NAV2: variants seen among roughly 807,000 people sequenced by gnomAD.
NAV2 encodes the protein helicase, APC down-regulated 1.
In NAV2, 54 loss-of-function variants were observed where a neutral mutation model predicts 223.2. That is an observed-to-expected ratio of 0.24 (90% CI 0.19 to 0.30). The LOEUF is 0.30. NAV2 is among the 10% of genes least tolerant of loss of function. The pLI, the probability that NAV2 is intolerant of heterozygous loss-of-function variation, is 1.00. For synonymous variants in NAV2, 1,279 were observed against 1,239.3 expected, an observed-to-expected ratio of 1.03 and a Z score of -0.67; for missense variants, 2,806 against 3,147.5, an observed-to-expected ratio of 0.89 and a Z score of 2.60.
At chr11:19,483,796 G>T (rs10766563) in intron 1 of NAV2, among the ~76,000 whole-genome samples, 63,076 of 151,746 alleles carry the variant, frequency 0.42, 13,493 homozygotes, top group East Asian at 0.53. Context: ...ACCACTGGGG[G>T]TCTAGAAATG....
chr11:19,973,364 A>G (rs527996948), intron 10 of NAV2, among the ~76,000 whole-genome samples: 2 of 152,236 alleles, frequency 1.3e-5, no homozygotes, highest in South Asian at 2.1e-4. Context: ...GTCTCAGAGC[A>G]CTCTGAGGCT....
At chr11:20,046,523 A>G (rs1266098017) in intron 14 of NAV2, among the ~76,000 whole-genome samples, 1 of 151,230 alleles carries the variant, frequency 6.6e-6, no homozygotes, top group Non-Finnish European at 1.5e-5. Flanking sequence ...CAAAAAGCCC[A>G]GTGTCCCCAC....
chr11:19,488,473 T>A (rs568565552), intron 1 of NAV2, among the ~76,000 whole-genome samples: 2 of 152,222 alleles, frequency 1.3e-5, no homozygotes, highest in African/African-American at 4.8e-5. Flanking sequence ...GGCACAAATG[T>A]ATAGATGGCA....
intron 1 of NAV2, among the ~76,000 whole-genome samples, chr11:19,757,284 C>T (rs573348563): frequency 6.6e-6 from 1 of 152,190 alleles, no homozygotes; most frequent in African/African-American, 2.4e-5. Context: ...TTGAGAGTAA[C>T]ACAGTTGGCC....
intron 1 of NAV2, among the ~76,000 whole-genome samples, chr11:19,642,779 C>T (rs1022789711): frequency 6.6e-6 from 1 of 152,112 alleles, no homozygotes; most frequent in Non-Finnish European, 1.5e-5. Context: ...CAGCTGCAAA[C>T]AGTCAGGGGT....
At chr11:19,825,801 T>C (rs999795728) in intron 1 of NAV2, among the ~76,000 whole-genome samples, 1 of 152,242 alleles carries the variant, frequency 6.6e-6, no homozygotes, top group Admixed American at 6.5e-5. Flanking sequence ...ATGTTCTCTT[T>C]TGGATTTCAG....
intron 1 of NAV2, among the ~76,000 whole-genome samples, chr11:19,707,581 A>G (rs531744015): frequency 6.6e-6 from 1 of 152,268 alleles, no homozygotes; most frequent in South Asian, 2.1e-4. Context: ...CTTCTGGAAT[A>G]CCTCCTGAAG....
intron 11 of NAV2, among the ~76,000 whole-genome samples, chr11:19,987,153 A>T (rs2050865417): frequency 6.6e-6 from 1 of 152,374 alleles, no homozygotes; most frequent in Middle Eastern, 3.4e-3. Context: ...TCAAGGAAGA[A>T]TATCACAGGT....
At chr11:19,886,023 T>C (rs1310033048) in intron 5 of NAV2, among the ~76,000 whole-genome samples, 1 of 152,202 alleles carries the variant, frequency 6.6e-6, no homozygotes, top group Non-Finnish European at 1.5e-5. Context: ...TTCTGATACT[T>C]TAACCTAGAC....
At chr11:19,571,537 C>A (rs2045423988) in intron 1 of NAV2, among the ~76,000 whole-genome samples, 1 of 152,078 alleles carries the variant, frequency 6.6e-6, no homozygotes, top group Non-Finnish European at 1.5e-5. Context: ...GAAACCCCAT[C>A]TGTACTAAAA....
intron 11 of NAV2, among the ~76,000 whole-genome samples, chr11:20,021,133 G>GT (rs1290358330): frequency 4.6e-5 from 7 of 152,042 alleles, no homozygotes; most frequent in African/African-American, 1.7e-4. Context: ...TTTACAATAC[G>GT]TTGTTCTCCC....
At chr11:19,552,067 C>G (rs2044708625) in intron 1 of NAV2, among the ~76,000 whole-genome samples, 1 of 152,116 alleles carries the variant, frequency 6.6e-6, no homozygotes, top group East Asian at 1.9e-4. Context: ...GGCCTGTGCT[C>G]TATGGATGCC....
intron 1 of NAV2, among the ~76,000 whole-genome samples, chr11:19,354,480 C>T (rs1853501026): frequency 6.6e-6 from 1 of 152,208 alleles, no homozygotes; most frequent in Non-Finnish European, 1.5e-5. Context: ...AATAACTACA[C>T]CATCAATTTC....
At chr11:19,806,503 T>C (rs1166459147) in intron 1 of NAV2, among the ~76,000 whole-genome samples, 1 of 152,218 alleles carries the variant, frequency 6.6e-6, no homozygotes, top group Non-Finnish European at 1.5e-5. Context: ...TGTTGATTCT[T>C]AGAAAGAAGA....
At chr11:20,016,838 CAA>C (rs34115097) in intron 11 of NAV2, among the ~76,000 whole-genome samples, 71 of 145,498 alleles carry the variant, frequency 4.9e-4, no homozygotes, top group African/African-American at 1.8e-3. Context: ...TACTAAAATA[CAA>C]AAAAAAAAAA....
intron 20 of NAV2, among the ~76,000 whole-genome samples, chr11:20,066,981 T>C (rs975124437): frequency 6.6e-6 from 1 of 152,134 alleles, no homozygotes; most frequent in Non-Finnish European, 1.5e-5. Context: ...AGGTTCCTCC[T>C]GCAGCAGGCT....
At chr11:19,823,278 G>A (rs1292586027) in intron 1 of NAV2, among the ~76,000 whole-genome samples, 1 of 152,150 alleles carries the variant, frequency 6.6e-6, no homozygotes, top group Non-Finnish European at 1.5e-5. Flanking sequence ...CGTGTTCTTG[G>A]CTCACTGTAA....
chr11:19,947,997 A>C (rs2047067179), intron 9 of NAV2, among the ~76,000 whole-genome samples: 1 of 152,186 alleles, frequency 6.6e-6, no homozygotes, highest in Non-Finnish European at 1.5e-5. Flanking sequence ...TCCTAGAATG[A>C]ATGGGCAAGC....
At chr11:19,972,229 T>A (rs1185832142) in intron 10 of NAV2, among the ~76,000 whole-genome samples, 2 of 152,208 alleles carry the variant, frequency 1.3e-5, no homozygotes, top group Non-Finnish European at 2.9e-5. Context: ...GCTCCCTCCC[T>A]GGAGATAGGA....
Sources: allele counts gnomAD v4.1 joint callset (sites outside exome capture counted in the v4.1 genomes callset), GRCh38; gene constraint gnomAD v4.1.1; transcripts MANE v1.5; gene names NCBI Gene and HGNC (gene_info 2026-07-23, HGNC 2026-07-21).